Variants in C11orf65 observed in about 807,000 individuals in gnomAD.
C11orf65 encodes protein MFI.
In C11orf65, 38 loss-of-function variants were observed where a neutral mutation model predicts 35.3. The observed-to-expected ratio is 1.08, with a 90% CI of 0.83 to 1.41. The LOEUF (loss-of-function observed/expected upper bound fraction) is 1.41. Ranked by LOEUF, C11orf65 falls within the 40% of genes most tolerant of loss-of-function variation. The pLI, the probability that C11orf65 is intolerant of heterozygous loss-of-function variation, is 0.00. For synonymous variants in C11orf65, 105 were observed against 114.4 expected (o/e 0.92, Z 0.53); for missense variants, 370 against 367.1 (o/e 1.01, Z -0.06).
intron 2 of C11orf65, among the ~76,000 whole-genome samples, chr11:108,352,811 A>G (rs2089372681): frequency 6.6e-6 from 1 of 152,218 alleles, no homozygotes; most frequent in Non-Finnish European, 1.5e-5. Context: ...GCTATTCCCA[A>G]AAGGTTACAT....
intron 2 of C11orf65, among the ~76,000 whole-genome samples, chr11:108,433,779 T>C (rs2093026825): frequency 6.6e-6 from 1 of 151,768 alleles, no homozygotes; most frequent in Non-Finnish European, 1.5e-5. Context: ...TCACAGGAAG[T>C]TCTATATACA....
intron 2 of C11orf65, chr11:108,353,993 ATTGT>A: frequency 9.8e-7 from 1 of 1,018,204 alleles, no homozygotes; most frequent in Non-Finnish European, 1.5e-6. Context: ...AAGTGGGAGG[ATTGT>A]TTGAGCCCAG....
intron 7 of C11orf65, among the ~76,000 whole-genome samples, chr11:108,389,876 A>G (rs1475840617): frequency 6.6e-6 from 1 of 151,658 alleles, no homozygotes; most frequent in Non-Finnish European, 1.5e-5. Context: ...TTATATTTTT[A>G]GTAGAGATGG....
intron 1 of C11orf65, among the ~76,000 whole-genome samples, chr11:108,464,958 C>T (rs1437672371): frequency 1.3e-5 from 2 of 152,002 alleles, no homozygotes; most frequent in Admixed American, 6.6e-5. Context: ...GAATGCTTGA[C>T]TCTAAATTTT....
chr11:108,410,751 CAG>C (rs1286877890), intron 3 of C11orf65, among the ~76,000 whole-genome samples: 2 of 147,640 alleles, frequency 1.4e-5, no homozygotes, highest in Non-Finnish European at 3.0e-5. Flanking sequence ...CTCTGTCGCT[CAG>C]TCTGGGGTGC....
chr11:108,377,111 T>A (rs1409444307), intron 2 of C11orf65, among the ~76,000 whole-genome samples: 1 of 150,806 alleles, frequency 6.6e-6, no homozygotes. Flanking sequence ...AAAGAGGGAA[T>A]CCTCCCTAAC....
intron 6 of C11orf65, chr11:108,319,879 TG>T: frequency 9.6e-7 from 1 of 1,045,182 alleles, no homozygotes; most frequent in East Asian, 2.4e-5. Context: ...TTTTGTCCTT[TG>T]GTGAAGCTAT....
At chr11:108,458,872 G>GT (rs1388815288) in intron 2 of C11orf65, among the ~76,000 whole-genome samples, 2 of 152,014 alleles carry the variant, frequency 1.3e-5, no homozygotes, top group Non-Finnish European at 2.9e-5. Flanking sequence ...ATGGAAAGTG[G>GT]TATCTCACTC....
Position 108,334,956 on chromosome 11 carries a change from A to T in C11orf65, c.299+264T>A, listed in dbSNP as rs1488113378. Reference sequence around the variant, plus strand: ...ATCTGACCTATTATCAATCATGTTTATACTTTTATTAGGTGGACCACACAG... The same window carrying T: ...ATCTGACCTATTATCAATCATGTTTTTACTTTTATTAGGTGGACCACACAG... On this transcript the variant is annotated intron_variant, in intron 3 of 3. Coordinates refer to the C11orf65 transcript ENST00000524755. 1.2e-6 allele frequency: 2 copies of T among 1,609,278 alleles called. No homozygotes were observed. The highest frequency in any genetic ancestry group is 3.3e-5 in the Admixed American group (2 of 60,014).
At chr11:108,432,954 G>A (rs2093010127) in intron 2 of C11orf65, among the ~76,000 whole-genome samples, 1 of 152,100 alleles carries the variant, frequency 6.6e-6, no homozygotes. Context: ...CTCTTCCTGT[G>A]GGTTGACAGG....
intron 6 of C11orf65, among the ~76,000 whole-genome samples, chr11:108,401,451 CCTT>C (rs1190312051): frequency 6.6e-6 from 1 of 152,202 alleles, no homozygotes; most frequent in Non-Finnish European, 1.5e-5. Context: ...CCTTATCTCT[CCTT>C]CTTTCCCAGG....
intron 2 of C11orf65, among the ~76,000 whole-genome samples, chr11:108,339,708 ATC>A (rs781514482): frequency 6.4e-4 from 98 of 152,232 alleles, no homozygotes; most frequent in Non-Finnish European, 1.2e-3. Context: ...TTCTGTATCA[ATC>A]TCTCAACAAA....
chr11:108,362,694 CA>C (rs1333326228), intron 2 of C11orf65, among the ~76,000 whole-genome samples: 2 of 144,648 alleles, frequency 1.4e-5, no homozygotes, highest in Non-Finnish European at 3.0e-5. Flanking sequence ...TAAACTATCG[CA>C]AGAACAAAAA....
intron 6 of C11orf65, chr11:108,317,535 CTTGA>C: frequency 6.4e-7 from 1 of 1,571,264 alleles, no homozygotes; most frequent in Non-Finnish European, 8.6e-7. Context: ...AGAAATTTGA[CTTGA>C]TTTTTTTTTT....
chr11:108,408,368 T>C (rs2092585512), intron 3 of C11orf65, among the ~76,000 whole-genome samples: 4 of 152,084 alleles, frequency 2.6e-5, no homozygotes, highest in African/African-American at 9.7e-5. Flanking sequence ...ATTGTTAAAT[T>C]TAAAAATCCA....
At chr11:108,438,414 T>A (rs1012608519) in intron 2 of C11orf65, among the ~76,000 whole-genome samples, 1 of 151,410 alleles carries the variant, frequency 6.6e-6, no homozygotes, top group Non-Finnish European at 1.5e-5. Flanking sequence ...TAGCTGGGCA[T>A]GTGGCGCACT....
chr11:108,445,726 C>T (rs2093244101), intron 2 of C11orf65, among the ~76,000 whole-genome samples: 1 of 151,950 alleles, frequency 6.6e-6, no homozygotes, highest in Non-Finnish European at 1.5e-5. Context: ...TCTCCTCCTC[C>T]AAAGGAACGC....
chr11:108,352,083 C>T (rs192575393), intron 2 of C11orf65, among the ~76,000 whole-genome samples: 6 of 152,086 alleles, frequency 3.9e-5, no homozygotes, highest in Non-Finnish European at 1.5e-5. Flanking sequence ...TCCTGAGTCT[C>T]GTAATAACTA....
rs545915999 is a variant in C11orf65, at chr11:108,463,052, G to A, written c.-9-1484C>T. On this transcript the variant is annotated intron_variant, in intron 1 of 8. Transcript: ENST00000393084. The stretch of plus-strand genomic sequence containing the variant: ...GAAACAGGAGGATGGCTTGAGCCCA[G>A]GAGTTCAAAACTGCAGTGAGCTATG... 2.6e-4 allele frequency among the ~76,000 whole-genome samples: 40 copies of A among 152,286 alleles called. No homozygotes were observed. In the South Asian group the frequency reaches 5.0e-3, roughly 19 times the overall value.
Sources: gnomAD v4.1 joint callset for allele counts (sites outside exome capture counted in the v4.1 genomes callset) on GRCh38, gnomAD v4.1.1 for gene constraint, MANE v1.5 for transcripts, NCBI Gene and HGNC (gene_info 2026-07-23, HGNC 2026-07-21) for gene names.